The following ANKRD6 variants were observed in gnomAD, a reference collection of about 807,000 sequenced individuals.
The protein encoded by ANKRD6 is ankyrin repeat domain-containing protein 6.
Under a neutral mutation model 82.3 loss-of-function variants are expected in ANKRD6, and 56 were observed. The ratio of observed to expected loss-of-function variants is 0.68; its 90% CI spans 0.55 to 0.85. ANKRD6 has a LOEUF of 0.85. ANKRD6 is among the 40% of genes least tolerant of loss of function. The pLI, the probability that ANKRD6 is intolerant of heterozygous loss-of-function variation, is 0.00. For missense variants in ANKRD6, 852 were observed against 907.6 expected, an observed-to-expected ratio of 0.94 and a Z score of 0.79; for synonymous variants, 347 against 352.1, an observed-to-expected ratio of 0.99 and a Z score of 0.16.
intron 1 of ANKRD6, among the ~76,000 whole-genome samples, chr6:89,446,080 C>T (rs1270416830): frequency 6.6e-6 from 1 of 152,070 alleles, no homozygotes; most frequent in Admixed American, 6.5e-5. Flanking sequence ...TGGCTGGGCA[C>T]AGTGGCTCAT....
At chr6:89,529,280 A>G (rs1216302600) in intron 1 of ANKRD6, among the ~76,000 whole-genome samples, 1 of 152,278 alleles carries the variant, frequency 6.6e-6, no homozygotes, top group Non-Finnish European at 1.5e-5. Flanking sequence ...TAACTTCTAC[A>G]TCAGCACTTG....
At chr6:89,501,558 G>C (rs568527907) in intron 1 of ANKRD6, among the ~76,000 whole-genome samples, 2 of 152,222 alleles carry the variant, frequency 1.3e-5, no homozygotes, top group Non-Finnish European at 2.9e-5. Context: ...TTTACTCTCT[G>C]TAACTAATCC....
At chr6:89,589,084 C>T (rs999110680) in intron 2 of ANKRD6, among the ~76,000 whole-genome samples, 10 of 151,332 alleles carry the variant, frequency 6.6e-5, no homozygotes, top group South Asian at 2.1e-4. Flanking sequence ...TCTGTTGGGA[C>T]GGGTCTTGTC....
At chr6:89,567,174 G>A (rs1788711508) in intron 2 of ANKRD6, 78 bp downstream of exon 2, 3 of 1,521,804 alleles carry the variant, frequency 2.0e-6, no homozygotes, top group African/African-American at 1.4e-5. Context: ...AAACTGCTGT[G>A]TTTGGTTCAC....
intron 6 of ANKRD6, among the ~76,000 whole-genome samples, chr6:89,612,958 G>A (rs760459391): frequency 1.3e-5 from 2 of 152,228 alleles, no homozygotes; most frequent in Non-Finnish European, 2.9e-5. Flanking sequence ...GTGTCCTCAG[G>A]TGAGGGTCTC....
chr6:89,481,262 T>C (rs1776776024), intron 1 of ANKRD6, among the ~76,000 whole-genome samples: 1 of 152,158 alleles, frequency 6.6e-6, no homozygotes, highest in Admixed American at 6.5e-5. Context: ...AAATGGGTAC[T>C]CTCATACAAT....
chr6:89,487,270 C>T (rs186687349), intron 1 of ANKRD6, among the ~76,000 whole-genome samples: 1 of 152,280 alleles, frequency 6.6e-6, no homozygotes, highest in East Asian at 1.9e-4. Context: ...TATTAAATAT[C>T]GTCTTATCAG....
chr6:89,579,041 T>G (rs1325737787), intron 2 of ANKRD6, among the ~76,000 whole-genome samples: 1 of 152,178 alleles, frequency 6.6e-6, no homozygotes, highest in Non-Finnish European at 1.5e-5. Context: ...TGTCCTTGCC[T>G]CCTGCACACC....
At chr6:89,482,643 A>G (rs922873857) in intron 1 of ANKRD6, among the ~76,000 whole-genome samples, 1 of 152,152 alleles carries the variant, frequency 6.6e-6, no homozygotes, top group African/African-American at 2.4e-5. Flanking sequence ...GGAATTTTTC[A>G]TTGTTGGAAA....
intron 1 of ANKRD6, among the ~76,000 whole-genome samples, chr6:89,463,308 G>T (rs772274706): frequency 1.3e-5 from 2 of 151,224 alleles, no homozygotes; most frequent in African/African-American, 2.4e-5. Context: ...ATATTTTATC[G>T]TATGGATATA....
intron 1 of ANKRD6, among the ~76,000 whole-genome samples, chr6:89,498,985 C>G (rs1158831877): frequency 6.6e-6 from 1 of 152,174 alleles, no homozygotes; most frequent in Non-Finnish European, 1.5e-5. Context: ...ACTGTTGAGA[C>G]TGGAAATCTC....
intron 2 of ANKRD6, among the ~76,000 whole-genome samples, chr6:89,580,207 A>ATT (rs568680402): frequency 1.8e-3 from 252 of 143,440 alleles, no homozygotes; most frequent in African/African-American, 5.0e-3. Flanking sequence ...GAGAAACTTG[A>ATT]TTTTTTTTTT....
intron 1 of ANKRD6, among the ~76,000 whole-genome samples, chr6:89,477,746 G>A (rs1776230734): frequency 6.7e-6 from 1 of 149,414 alleles, no homozygotes; most frequent in South Asian, 2.1e-4. Flanking sequence ...ACTCCACCCT[G>A]GGCGACAGAG....
intron 5 of ANKRD6, among the ~76,000 whole-genome samples, chr6:89,606,470 A>G (rs1310598536): frequency 6.6e-6 from 1 of 152,188 alleles, no homozygotes; most frequent in African/African-American, 2.4e-5. Context: ...GAAAATTAGT[A>G]AAGTGGGCTC....
intron 1 of ANKRD6, among the ~76,000 whole-genome samples, chr6:89,536,783 T>C (rs77385072): frequency 0.011 from 1,629 of 152,298 alleles, 37 homozygotes; most frequent in African/African-American, 0.037. Context: ...CTAGGACATA[T>C]TGCAAGCCTG....
intron 1 of ANKRD6, among the ~76,000 whole-genome samples, chr6:89,557,127 G>A (rs1786708576): frequency 6.6e-6 from 1 of 152,190 alleles, no homozygotes; most frequent in Admixed American, 6.5e-5. Context: ...AGGTTTGGGA[G>A]GAAGGATGGT....
intron 1 of ANKRD6, among the ~76,000 whole-genome samples, chr6:89,464,736 A>G (rs1774625178): frequency 6.6e-6 from 1 of 152,222 alleles, no homozygotes. Flanking sequence ...TGTGAGTTAC[A>G]TTTTTACGTC....
At chr6:89,577,734 T>C (rs1791457282) in intron 2 of ANKRD6, among the ~76,000 whole-genome samples, 1 of 152,198 alleles carries the variant, frequency 6.6e-6, no homozygotes, top group Non-Finnish European at 1.5e-5. Context: ...GGAGGATTGC[T>C]TGAGCTCAGG....
intron 1 of ANKRD6, among the ~76,000 whole-genome samples, chr6:89,545,253 A>G (rs926442729): frequency 1.3e-5 from 2 of 151,280 alleles, no homozygotes; most frequent in African/African-American, 4.9e-5. Context: ...GGCTGTTTCT[A>G]CTGGCCCAGA....
Sources: allele counts gnomAD v4.1 joint callset (sites outside exome capture counted in the v4.1 genomes callset), GRCh38; gene constraint gnomAD v4.1.1; transcripts MANE v1.5; gene names NCBI Gene and HGNC (gene_info 2026-07-23, HGNC 2026-07-21).